The following GUCY1A2 variants were observed in gnomAD, a reference collection of about 807,000 sequenced individuals.
The protein encoded by GUCY1A2 is guanylate cyclase soluble subunit alpha-2.
GUCY1A2 carries 27 observed loss-of-function variants against 63.5 expected under a neutral mutation model. That is an observed-to-expected ratio of 0.43 (90% CI 0.31 to 0.59). GUCY1A2 has a LOEUF of 0.59. Among genes scored for constraint, GUCY1A2 ranks in the 20% least tolerant of loss-of-function variants. The probability of loss-of-function intolerance (pLI) is 0.11; values close to 1 mark genes in which losing one functional copy is unlikely to be tolerated. For synonymous variants in GUCY1A2, 364 were observed against 343.5 expected (o/e 1.06, Z -0.66); for missense variants, 768 against 913.3 (o/e 0.84, Z 2.05).
chr11:106,932,781 C>G (rs1332528458), intron 4 of GUCY1A2, among the ~76,000 whole-genome samples: 1 of 152,038 alleles, frequency 6.6e-6, no homozygotes, highest in African/African-American at 2.4e-5. Context: ...GACACATAAA[C>G]CAGTGGAACA....
chr11:106,736,191 T>C (rs766157929), intron 6 of GUCY1A2, among the ~76,000 whole-genome samples: 7 of 152,094 alleles, frequency 4.6e-5, no homozygotes, highest in Non-Finnish European at 8.8e-5. Context: ...GAGCTACTAC[T>C]AATTGAATCT....
rs1299446949 is a variant in GUCY1A2 at position 106,685,487 on chromosome 11, A to C, written c.*2062T>G. 4.5e-6 allele frequency: 1 copy of C among 224,106 alleles called. No individual in the cohort carries two copies. Among genetic ancestry groups the C allele is most frequent in the African/African-American group, 2.2e-5 (1 of 44,820 alleles). 13.9% of individuals were successfully genotyped at this position (224,106 alleles called of 1,614,324 possible). A position where few individuals can be genotyped will look rare whatever the true frequency, so the allele number is the denominator to read the frequency against. On this transcript the variant is annotated 3_prime_UTR_variant, in exon 8 of 8. Transcript: ENST00000526355. ...ATTCCTGGAAGTCCCTTTCAGCCTT[A>C]TGGTTACAAAACACATTGTTCATCA...
chr11:106,964,379 C>G (rs1376192687), intron 3 of GUCY1A2, among the ~76,000 whole-genome samples: 1 of 152,166 alleles, frequency 6.6e-6, no homozygotes, highest in Non-Finnish European at 1.5e-5. Flanking sequence ...CTCTGGCCTT[C>G]CTGCTGTGGT....
chr11:106,707,626 A>G (rs1225136157), intron 7 of GUCY1A2, among the ~76,000 whole-genome samples: 1 of 152,104 alleles, frequency 6.6e-6, no homozygotes, highest in Non-Finnish European at 1.5e-5. Context: ...AAATATTTAC[A>G]GAGTGCTTAT....
intron 6 of GUCY1A2, among the ~76,000 whole-genome samples, chr11:106,743,399 A>T (rs1411766493): frequency 2.6e-5 from 4 of 152,216 alleles, no homozygotes; most frequent in Non-Finnish European, 4.4e-5. Context: ...GGTGATAATG[A>T]TGAGAAGACA....
At chr11:106,688,520 T>C (rs1862567338) in intron 7 of GUCY1A2, among the ~76,000 whole-genome samples, 1 of 152,274 alleles carries the variant, frequency 6.6e-6, no homozygotes, top group Middle Eastern at 3.4e-3. Context: ...CTGTTTCTTA[T>C]TGCCCAAGAA....
chr11:106,705,892 TG>T (rs1219148860), intron 7 of GUCY1A2, among the ~76,000 whole-genome samples: 1 of 151,940 alleles, frequency 6.6e-6, no homozygotes, highest in African/African-American at 2.4e-5. Flanking sequence ...CACGGGCCTT[TG>T]AAACACACCA....
At chr11:106,752,040 T>A (rs1464332529) in intron 6 of GUCY1A2, among the ~76,000 whole-genome samples, 1 of 152,222 alleles carries the variant, frequency 6.6e-6, no homozygotes, top group Non-Finnish European at 1.5e-5. Flanking sequence ...CACACACAAT[T>A]TATTTGCAAG....
intron 4 of GUCY1A2, among the ~76,000 whole-genome samples, chr11:106,905,878 C>T (rs1462135633): frequency 6.6e-6 from 1 of 152,108 alleles, no homozygotes; most frequent in East Asian, 1.9e-4. Flanking sequence ...TTCTTTAGAA[C>T]TGCAGCAACA....
intron 3 of GUCY1A2, among the ~76,000 whole-genome samples, chr11:106,946,356 C>A (rs1860828637): frequency 6.6e-6 from 1 of 151,620 alleles, no homozygotes; most frequent in Non-Finnish European, 1.5e-5. Flanking sequence ...AGCAAAAGAC[C>A]AGAAACAAAA....
At position 106,687,609 on chromosome 11, in the gene GUCY1A2, C is replaced by T. The variant is rs373644440; in HGVS notation, c.2139G>A (p.Ser713=). Residue 713 remains serine (S), a synonymous_variant, in exon 8 of 8, where the codon TCG becomes TCA. Coordinates refer to ENST00000526355, the MANE Select transcript of GUCY1A2 (RefSeq NM_000855.3). Reference sequence around the variant, plus strand: ...TGTTGTAGGAAACCTTTTTTATTCTCGACGAAGAAAGAGAAGGCTTTGGTG... The same window carrying T: ...TGTTGTAGGAAACCTTTTTTATTCTTGACGAAGAAAGAGAAGGCTTTGGTG... ...PKPPKPSLSS[S]RIKKVSYNIG... is the part of the protein sequence containing the mutation. The T allele has an allele frequency of 2.0e-5, 32 of 1,613,862 alleles. No individual in the cohort carries two copies. Among genetic ancestry groups the T allele is most frequent in the African/African-American group, 8.0e-5 (6 of 74,888 alleles).
intron 6 of GUCY1A2, among the ~76,000 whole-genome samples, chr11:106,770,669 AAATT>A (rs1324133205): frequency 2.2e-4 from 34 of 151,718 alleles, no homozygotes; most frequent in Non-Finnish European, 2.7e-4. Context: ...TAAAAATTAA[AAATT>A]AATTAGAGAA....
intron 1 of GUCY1A2, among the ~76,000 whole-genome samples, chr11:106,996,573 A>C (rs1462729062): frequency 6.6e-6 from 1 of 152,174 alleles, no homozygotes; most frequent in East Asian, 1.9e-4. Context: ...CTGAGCATTA[A>C]GATTTTGAGT....
chr11:106,761,900 G>A (rs911374534), intron 6 of GUCY1A2, among the ~76,000 whole-genome samples: 1 of 152,120 alleles, frequency 6.6e-6, no homozygotes, highest in Non-Finnish European at 1.5e-5. Context: ...GATATAGTGT[G>A]CTACAGTAAC....
At chr11:106,997,077 C>T (rs1215839270) in intron 1 of GUCY1A2, among the ~76,000 whole-genome samples, 1 of 152,090 alleles carries the variant, frequency 6.6e-6, no homozygotes, top group African/African-American at 2.4e-5. Flanking sequence ...TAACTCTAAA[C>T]TATCTGAGCA....
At chr11:106,917,918 A>T (rs1479357320) in intron 4 of GUCY1A2, among the ~76,000 whole-genome samples, 3 of 141,688 alleles carry the variant, frequency 2.1e-5, no homozygotes, top group African/African-American at 5.0e-5. Flanking sequence ...CGTTGTGCAC[A>T]GGTACCCTAA....
intron 5 of GUCY1A2, among the ~76,000 whole-genome samples, chr11:106,809,624 T>G (rs1003965811): frequency 2.0e-5 from 3 of 152,156 alleles, no homozygotes; most frequent in African/African-American, 7.2e-5. Context: ...TATTTGTTTT[T>G]AACTGTCAAA....
intron 4 of GUCY1A2, among the ~76,000 whole-genome samples, chr11:106,925,196 AGAG>A (rs933403840): frequency 4.6e-5 from 7 of 152,086 alleles, no homozygotes; most frequent in African/African-American, 1.7e-4. Context: ...AGACAGAGAG[AGAG>A]GAGAAAGAGA....
intron 1 of GUCY1A2, among the ~76,000 whole-genome samples, chr11:107,001,140 T>A (rs765009162): frequency 2.0e-5 from 3 of 152,172 alleles, no homozygotes. Flanking sequence ...GGAAGAAAGA[T>A]AAAATCTTTC....
Sources: allele counts gnomAD v4.1 joint callset (sites outside exome capture counted in the v4.1 genomes callset), GRCh38; gene constraint gnomAD v4.1.1; transcripts MANE v1.5; gene names NCBI Gene and HGNC (gene_info 2026-07-23, HGNC 2026-07-21).